Variants in SLC13A3 observed in about 807,000 individuals in gnomAD.
SLC13A3 encodes solute carrier family 13 member 3, also known as Na(+)/dicarboxylate cotransporter 3.
SLC13A3 carries 40 observed loss-of-function variants against 59.0 expected under a neutral mutation model. That is an observed-to-expected ratio of 0.68 (90% CI 0.53 to 0.88). The LOEUF (loss-of-function observed/expected upper bound fraction) is 0.88. Ranked by LOEUF, SLC13A3 falls within the 40% of genes least tolerant of loss-of-function variation. The pLI, the probability that SLC13A3 is intolerant of heterozygous loss-of-function variation, is 0.00. For missense variants in SLC13A3, 699 were observed against 783.2 expected (o/e 0.89, Z 1.28); for synonymous variants, 317 against 330.3 (o/e 0.96, Z 0.44).
intron 3 of SLC13A3, among the ~76,000 whole-genome samples, chr20:46,601,140 G>A (rs1410637001): frequency 6.6e-6 from 1 of 152,100 alleles, no homozygotes; most frequent in African/African-American, 2.4e-5. Context: ...GGGACGGAGT[G>A]GGCAAAGGCC....
At chr20:46,651,472 C>T (rs2062951921), upstream of SLC13A3, 6 of 1,369,844 alleles carry the variant, frequency 4.4e-6, no homozygotes, top group Non-Finnish European at 4.7e-6. Context: ...CCCGCCTGGC[C>T]CCGGCGCCGG....
chr20:46,581,664 A>T lies in SLC13A3; in HGVS notation c.1219+1908T>A, dbSNP rs968383504. Among the ~76,000 whole-genome samples the T allele has an allele frequency of 2.0e-5, 3 of 152,330 alleles. No homozygotes were observed. The East Asian group carries it at 5.8e-4, about 29-fold the overall frequency. ...GGGAAGAAGCTAGGAAGGAGCAGAA[A>T]GTATGAGGGGCGATGCCACAGGGAA... is the stretch of plus-strand genomic sequence containing the variant. On this transcript the variant is annotated intron_variant, in intron 9 of 12. Transcript: ENST00000279027.
upstream of SLC13A3, among the ~76,000 whole-genome samples, chr20:46,656,375 T>C: frequency 2.1e-5 from 1 of 47,270 alleles, no homozygotes; most frequent in African/African-American, 7.8e-5. Flanking sequence ...CTATACAGTA[T>C]ATATTATACT....
At chr20:46,631,533 C>T (rs1001716163) in intron 1 of SLC13A3, among the ~76,000 whole-genome samples, 1 of 152,160 alleles carries the variant, frequency 6.6e-6, no homozygotes, top group African/African-American at 2.4e-5. Flanking sequence ...GCGAGGCTCA[C>T]GCGTGACCCT....
At chr20:46,655,127 A>C (rs1465636413), upstream of SLC13A3, among the ~76,000 whole-genome samples, 2 of 151,916 alleles carry the variant, frequency 1.3e-5, no homozygotes, top group African/African-American at 2.4e-5. Context: ...TGTTTTGAGA[A>C]GTTTGGCCAT....
At chr20:46,670,243 T>C (rs977572350), upstream of SLC13A3, 5 of 152,248 alleles carry the variant, frequency 3.3e-5, no homozygotes, top group African/African-American at 1.2e-4. Context: ...GAAGTTGTTA[T>C]GTGGGACATT....
intron 10 of SLC13A3, chr20:46,566,614 C>T: frequency 2.3e-6 from 1 of 441,502 alleles, no homozygotes; most frequent in Non-Finnish European, 4.0e-6. Flanking sequence ...CACTCTATCT[C>T]ATACAGGCCA....
chr20:46,571,017 A>G (rs1376924092), intron 10 of SLC13A3, among the ~76,000 whole-genome samples: 1 of 152,224 alleles, frequency 6.6e-6, no homozygotes, highest in Non-Finnish European at 1.5e-5. Context: ...GAAACTTACA[A>G]TCATGGTGGA....
chr20:46,588,105 G>A lies in SLC13A3; in HGVS notation c.1075C>T (p.Arg359Trp), dbSNP rs145850992. 6.9e-5 allele frequency: 112 copies of A among 1,612,868 alleles called. No individual in the cohort carries two copies. The highest frequency in any genetic ancestry group is 5.7e-5 in the Non-Finnish European group (67 of 1,179,374). ...CAGCCAGGGATGAACTTCGGGTCCC[G>A]GGTGAAGAGGAGGATGGCAAACATG... is the stretch of plus-strand genomic sequence containing the variant. ...FCMFAILLFT[R>W]DPKFIPGWAS... The change falls in exon 8 of 13, where the codon CGG (arginine) becomes TGG (tryptophan). Residue 359 changes from arginine to tryptophan, a missense_variant. By Grantham distance (101) the Arg-to-Trp change is moderately radical (BLOSUM62 -3). Transcript: ENST00000279027.
intron 9 of SLC13A3, among the ~76,000 whole-genome samples, chr20:46,580,588 G>T (rs1380448847): frequency 6.6e-6 from 1 of 152,032 alleles, no homozygotes; most frequent in East Asian, 1.9e-4. Flanking sequence ...GCCAGTAAAA[G>T]CCAGAGGTGG....
chr20:46,613,790 G>C, intron 1 of SLC13A3, 65 bp from the exon 2 acceptor site: 1 of 1,447,270 alleles, frequency 6.9e-7, no homozygotes, highest in Non-Finnish European at 9.3e-7. Flanking sequence ...AGGAGGCCCA[G>C]GGCTCAGGGC....
At chr20:46,663,763 T>C (rs1264179701) in intron 1 of SLC13A3, among the ~76,000 whole-genome samples, 1 of 152,170 alleles carries the variant, frequency 6.6e-6, no homozygotes, top group Non-Finnish European at 1.5e-5. Context: ...ACACAGCTAC[T>C]GAGTGGGGAT....
chr20:46,649,471 A>G (rs184899628), intron 1 of SLC13A3, among the ~76,000 whole-genome samples: 9 of 152,322 alleles, frequency 5.9e-5, no homozygotes, highest in Admixed American at 5.2e-4. Flanking sequence ...CAGAGCAGAG[A>G]GAAGCTGTCG....
At chr20:46,585,673 T>A (rs2062183697) in intron 8 of SLC13A3, 4 of 1,294,554 alleles carry the variant, frequency 3.1e-6, no homozygotes, top group Non-Finnish European at 4.1e-6. Context: ...TATATCAGAA[T>A]TAGAGACTGA....
chr20:46,610,145 A>G (rs1401205491), intron 3 of SLC13A3, among the ~76,000 whole-genome samples: 1 of 152,212 alleles, frequency 6.6e-6, no homozygotes, highest in Non-Finnish European at 1.5e-5. Flanking sequence ...GCTGTAAAAC[A>G]AGGTTTAATT....
intron 3 of SLC13A3, among the ~76,000 whole-genome samples, chr20:46,600,437 AGG>A (rs1241526409): frequency 3.6e-4 from 54 of 151,078 alleles, no homozygotes; most frequent in South Asian, 3.3e-3. Context: ...GAAGGAAGGA[AGG>A]AAGGAAAAGG....
rs371998485 is a variant in SLC13A3 at position 46,645,404 on chromosome 20, CCTTTA to C, written c.111+5902_111+5906del. Among the ~76,000 whole-genome samples, 382 of 152,306 alleles carry C rather than the reference CCTTTA, an allele frequency of 2.5e-3. 1 individual carries two copies. The highest frequency in any genetic ancestry group is 8.8e-3 in the African/African-American group (366 of 41,558). On this transcript the variant is annotated intron_variant, in intron 1 of 12. Coordinates refer to ENST00000279027, the MANE Select transcript of SLC13A3 (RefSeq NM_022829.6). ...TCAGCCAGCCACATGCCCGAGATTT[CCTTTA>C]CTTAACAGCTCACCAAGCTTCATGG...
At chr20:46,608,433 T>G (rs1462710541) in intron 3 of SLC13A3, among the ~76,000 whole-genome samples, 3 of 152,220 alleles carry the variant, frequency 2.0e-5, no homozygotes, top group East Asian at 1.9e-4. Flanking sequence ...ATTTGGTCAT[T>G]TATAGACAAA....
intron 1 of SLC13A3, among the ~76,000 whole-genome samples, chr20:46,675,694 G>A (rs1050937335): frequency 2.6e-4 from 39 of 149,516 alleles, no homozygotes; most frequent in African/African-American, 8.1e-4. Flanking sequence ...GATCCTTCCC[G>A]CCTCAGCCTC....
Sources: gnomAD v4.1 joint callset for allele counts (sites outside exome capture counted in the v4.1 genomes callset) on GRCh38, gnomAD v4.1.1 for gene constraint, MANE v1.5 for transcripts, NCBI Gene and HGNC (gene_info 2026-07-23, HGNC 2026-07-21) for gene names.